The following MACROD1 variants were observed in gnomAD, a reference collection of about 807,000 sequenced individuals.
MACROD1 encodes ADP-ribose glycohydrolase MACROD1.
A neutral mutation model predicts 41.4 loss-of-function variants in MACROD1; 31 were observed. The ratio of observed to expected loss-of-function variants is 0.75; its 90% CI spans 0.56 to 1.01. The LOEUF (loss-of-function observed/expected upper bound fraction) is 1.01, where lower values mean the gene tolerates loss of function less well. Among genes scored for constraint, MACROD1 ranks in the 50% least tolerant of loss-of-function variants. MACROD1 has a pLI of 0.00. For missense variants in MACROD1, 473 were observed against 460.0 expected (o/e 1.03, Z -0.26); for synonymous variants, 252 against 203.4 (o/e 1.24, Z -2.03).
intron 3 of MACROD1, among the ~76,000 whole-genome samples, chr11:64,070,652 TCAGGGGCCTCC>T (rs1944091726): frequency 6.6e-6 from 1 of 152,146 alleles, no homozygotes; most frequent in African/African-American, 2.4e-5. Flanking sequence ...GGCTGGGGCC[TCAGGGGCCTCC>T]CAGCTGATCG....
chr11:64,057,559 G>C (rs1590848907), intron 3 of MACROD1, among the ~76,000 whole-genome samples: 1 of 152,204 alleles, frequency 6.6e-6, no homozygotes, highest in Admixed American at 6.5e-5. Flanking sequence ...ACAGATGAGA[G>C]AGGGGCTGGC....
At chr11:64,006,867 T>G (rs1942921417) in intron 4 of MACROD1, among the ~76,000 whole-genome samples, 3 of 152,160 alleles carry the variant, frequency 2.0e-5, no homozygotes, top group African/African-American at 2.4e-5. Context: ...TGAGGGTGTA[T>G]GAGATTCTTC....
At chr11:64,079,063 C>T (rs954219355) in intron 3 of MACROD1, among the ~76,000 whole-genome samples, 2 of 96,690 alleles carry the variant, frequency 2.1e-5, no homozygotes, top group African/African-American at 4.1e-5. Flanking sequence ...GCGGACAGAC[C>T]GGGGGCGGTG....
At chr11:64,063,733 A>G (rs539991468) in intron 3 of MACROD1, among the ~76,000 whole-genome samples, 2 of 152,260 alleles carry the variant, frequency 1.3e-5, no homozygotes, top group African/African-American at 4.8e-5. Flanking sequence ...TCCCCCCTCC[A>G]TGGGCAGCCA....
At chr11:64,119,415 C>T (rs1945058106) in intron 3 of MACROD1, among the ~76,000 whole-genome samples, 1 of 152,176 alleles carries the variant, frequency 6.6e-6, no homozygotes. Flanking sequence ...TTCCAGTGTC[C>T]TCGTCTCCCT....
chr11:64,099,681 G>A (rs1012476619), intron 3 of MACROD1, among the ~76,000 whole-genome samples: 2 of 151,456 alleles, frequency 1.3e-5, no homozygotes, highest in East Asian at 3.9e-4. Flanking sequence ...GATTGATGGA[G>A]GGATGGATGG....
chr11:64,001,833 C>T lies in MACROD1; in HGVS notation c.548-1490G>A, dbSNP rs895940321. 9.9e-5 allele frequency: 68 copies of T among 687,546 alleles called. 2 individuals carry two copies. The Admixed American group carries it at 1.2e-3, about 12-fold the overall frequency. 42.6% of individuals were successfully genotyped at this position (687,546 alleles called of 1,614,324 possible). A position where few individuals can be genotyped will look rare whatever the true frequency, so the allele number is the denominator to read the frequency against. On this transcript the variant is annotated intron_variant, in intron 4 of 10. Transcript: ENST00000255681. ...GAAGTGAGTGTTCCGAATGGGGTGC[C>T]GTGGCTGGGCTGTGGAGCTGGGCAA... is the stretch of plus-strand genomic sequence containing the variant.
At chr11:64,032,485 G>A (rs892687857) in intron 3 of MACROD1, among the ~76,000 whole-genome samples, 5 of 152,238 alleles carry the variant, frequency 3.3e-5, no homozygotes, top group African/African-American at 1.2e-4. Flanking sequence ...AGGATGCTTC[G>A]GGCAGGGCCA....
At chr11:64,034,534 C>T (rs972356060) in intron 3 of MACROD1, among the ~76,000 whole-genome samples, 1 of 152,306 alleles carries the variant, frequency 6.6e-6, no homozygotes. Context: ...CAGGCGCATG[C>T]AGAGCGCACA....
At chr11:64,136,909 C>T (rs535781400) in intron 3 of MACROD1, among the ~76,000 whole-genome samples, 172 of 152,312 alleles carry the variant, frequency 1.1e-3, no homozygotes, top group Non-Finnish European at 1.9e-3. Context: ...GGTGCCAGCC[C>T]CCGGGAGCAG....
chr11:64,002,749 G>A (rs1337198248), intron 4 of MACROD1, among the ~76,000 whole-genome samples: 4 of 152,184 alleles, frequency 2.6e-5, no homozygotes, highest in African/African-American at 9.7e-5. Context: ...CTGCCCTCCA[G>A]GCCCTGTCCT....
At chr11:64,135,289 C>T (rs1017353175) in intron 3 of MACROD1, among the ~76,000 whole-genome samples, 3 of 152,250 alleles carry the variant, frequency 2.0e-5, no homozygotes, top group Admixed American at 1.3e-4. Flanking sequence ...GGCCCTCCCA[C>T]TAGAATTCCA....
chr11:64,091,388 C>A (rs1565228292), intron 3 of MACROD1, among the ~76,000 whole-genome samples: 1 of 150,646 alleles, frequency 6.6e-6, no homozygotes, highest in Non-Finnish European at 1.5e-5. Flanking sequence ...ATGAGGATGC[C>A]AGGTAGGGAG....
intron 3 of MACROD1, among the ~76,000 whole-genome samples, chr11:64,094,543 C>T (rs1944543968): frequency 6.6e-6 from 1 of 152,186 alleles, no homozygotes; most frequent in Non-Finnish European, 1.5e-5. Flanking sequence ...ATGGCAGGCT[C>T]CTGGAGTGAA....
intron 3 of MACROD1, chr11:64,118,875 T>G (rs1945046323): frequency 6.0e-6 from 1 of 167,154 alleles, no homozygotes; most frequent in African/African-American, 2.4e-5. Context: ...CTTGCAGATT[T>G]GCAGAAACAT....
chr11:64,108,640 G>T (rs1295437248), intron 3 of MACROD1, among the ~76,000 whole-genome samples: 1 of 152,252 alleles, frequency 6.6e-6, no homozygotes, highest in Non-Finnish European at 1.5e-5. Flanking sequence ...AGTGGGAGGT[G>T]GGACTGGGGT....
intron 4 of MACROD1, among the ~76,000 whole-genome samples, chr11:64,014,386 C>T (rs567895280): frequency 4.5e-4 from 68 of 152,320 alleles, no homozygotes; most frequent in Admixed American, 1.8e-3. Flanking sequence ...GGCTGGTCAC[C>T]GACAGCTCTT....
intron 3 of MACROD1, among the ~76,000 whole-genome samples, chr11:64,070,272 T>C (rs1482993187): frequency 6.6e-6 from 1 of 152,028 alleles, no homozygotes; most frequent in Non-Finnish European, 1.5e-5. Flanking sequence ...GGGCTGCCAG[T>C]CCTCAGCCCA....
At chr11:64,001,786 A>G in intron 4 of MACROD1, 2 of 701,570 alleles carry the variant, frequency 2.9e-6, no homozygotes, top group East Asian at 2.7e-5. Flanking sequence ...GCGGGCGTCC[A>G]GGCTGGAGCT....
Sources: allele counts gnomAD v4.1 joint callset (sites outside exome capture counted in the v4.1 genomes callset), GRCh38; gene constraint gnomAD v4.1.1; transcripts MANE v1.5; gene names NCBI Gene and HGNC (gene_info 2026-07-23, HGNC 2026-07-21).